KIF6: variants seen among roughly 807,000 people sequenced by gnomAD.
KIF6 encodes kinesin family member 6.
Under a neutral mutation model 112.7 loss-of-function variants are expected in KIF6, and 106 were observed. The observed-to-expected ratio is 0.94, with a 90% confidence interval of 0.80 to 1.11. KIF6 has a LOEUF of 1.11. KIF6 is among the 50% of genes least tolerant of loss of function. The pLI is 0.00. For missense variants in KIF6, 929 were observed against 964.0 expected, an observed-to-expected ratio of 0.96 and a Z score of 0.48; for synonymous variants, 339 against 339.9, an observed-to-expected ratio of 1.00 and a Z score of 0.03.
intron 13 of KIF6, among the ~76,000 whole-genome samples, chr6:39,480,518 T>A (rs1734003565): frequency 6.6e-6 from 1 of 152,162 alleles, no homozygotes; most frequent in South Asian, 2.1e-4. Flanking sequence ...AGTTTTCTTT[T>A]TTTTTTGCTA....
chr6:39,440,940 C>T (rs554684477), intron 13 of KIF6, among the ~76,000 whole-genome samples: 3 of 152,242 alleles, frequency 2.0e-5, no homozygotes, highest in Admixed American at 2.0e-4. Flanking sequence ...GATGCACTGA[C>T]ACTGGACTGA....
chr6:39,609,990 G>C (rs907946963), intron 6 of KIF6, among the ~76,000 whole-genome samples: 1 of 152,198 alleles, frequency 6.6e-6, no homozygotes, highest in Non-Finnish European at 1.5e-5. Flanking sequence ...GAGTGCCCTA[G>C]ACCATGGGTA....
intron 15 of KIF6, among the ~76,000 whole-genome samples, chr6:39,400,768 T>G (rs1768642247): frequency 1.3e-5 from 2 of 152,230 alleles, no homozygotes; most frequent in Non-Finnish European, 2.9e-5. Flanking sequence ...ATTTGTAATC[T>G]TTTCTCTTTG....
intron 13 of KIF6, among the ~76,000 whole-genome samples, chr6:39,489,237 T>C (rs556096397): frequency 6.6e-6 from 1 of 152,312 alleles, no homozygotes; most frequent in East Asian, 1.9e-4. Flanking sequence ...TATCTTTTCC[T>C]TTTTGAAGCT....
chr6:39,339,761 C>G (rs932143356), intron 22 of KIF6, among the ~76,000 whole-genome samples: 2 of 152,220 alleles, frequency 1.3e-5, no homozygotes, highest in African/African-American at 4.8e-5. Flanking sequence ...TCCACGCCTG[C>G]CCCTGGCAGG....
At chr6:39,374,550 A>T (rs1766277128) in intron 16 of KIF6, among the ~76,000 whole-genome samples, 4 of 152,140 alleles carry the variant, frequency 2.6e-5, no homozygotes, top group Admixed American at 2.0e-4. Flanking sequence ...TAACCCTATT[A>T]AAAAAATGGG....
intron 16 of KIF6, among the ~76,000 whole-genome samples, chr6:39,377,436 C>T (rs1324954266): frequency 6.6e-6 from 1 of 150,612 alleles, no homozygotes. Flanking sequence ...CAGTTTCACA[C>T]ACTGGATCAT....
chr6:39,647,384 A>T (rs1785222286), intron 3 of KIF6, among the ~76,000 whole-genome samples: 2 of 152,146 alleles, frequency 1.3e-5, no homozygotes, highest in Admixed American at 1.3e-4. Context: ...CAAGAGGGGC[A>T]GGCAGGTGTA....
At chr6:39,620,679 A>G (rs895583001) in intron 5 of KIF6, among the ~76,000 whole-genome samples, 1 of 152,152 alleles carries the variant, frequency 6.6e-6, no homozygotes, top group Non-Finnish European at 1.5e-5. Flanking sequence ...TTTCTTACAC[A>G]CACTTTGCAG....
chr6:39,672,619 G>T (rs962952429), intron 3 of KIF6, among the ~76,000 whole-genome samples: 8 of 152,136 alleles, frequency 5.3e-5, no homozygotes, highest in Admixed American at 3.9e-4. Flanking sequence ...TTCACATTCT[G>T]AAGGCTGGAA....
At chr6:39,722,671 A>T (rs894563865) in intron 1 of KIF6, among the ~76,000 whole-genome samples, 1 of 152,248 alleles carries the variant, frequency 6.6e-6, no homozygotes, top group Non-Finnish European at 1.5e-5. Flanking sequence ...ATTTAATACT[A>T]CAAAAAGCAT....
chr6:39,604,011 A>T (rs565057169), intron 6 of KIF6, among the ~76,000 whole-genome samples: 1 of 151,888 alleles, frequency 6.6e-6, no homozygotes, highest in South Asian at 2.1e-4. Flanking sequence ...CATATGCCTG[A>T]GACTCCTTAA....
At chr6:39,662,152 A>G (rs1040669306) in intron 3 of KIF6, among the ~76,000 whole-genome samples, 13 of 152,236 alleles carry the variant, frequency 8.5e-5, no homozygotes, top group African/African-American at 3.1e-4. Context: ...AATTTAAAAC[A>G]TATAATCAAT....
intron 13 of KIF6, among the ~76,000 whole-genome samples, chr6:39,462,105 G>T (rs1465570026): frequency 1.3e-5 from 2 of 152,180 alleles, no homozygotes; most frequent in African/African-American, 2.4e-5. Flanking sequence ...GGCTGGAAAA[G>T]CCATATACCT....
At position 39,540,158 on chromosome 6, in the gene KIF6, C is replaced by T. The variant is rs765089235; in HGVS notation, c.1490G>A (p.Gly497Asp). Reference protein sequence around the residue: ...KKAQEALHLAGMDRREFRQSQ... With the variant: ...KKAQEALHLADMDRREFRQSQ... The stretch of plus-strand genomic sequence containing the variant: ...CTGTCTGAATTCACGTCTATCCATG[C>T]CAGCCAAGTGGAGAGCCTCCTGAGC... The change falls in exon 13 of 23, where the codon GGC (glycine) becomes GAC (aspartate). Residue 497 changes from glycine to aspartate, a missense_variant. This residue lies in a region of KIF6 where 688 missense variants were observed against 662.7 expected (regional missense o/e 1.04). Coordinates refer to ENST00000287152, the MANE Select transcript of KIF6 (RefSeq NM_145027.6). 4.3e-6 allele frequency: 7 copies of T among 1,614,000 alleles called. No individual in the cohort carries two copies. The East Asian group carries it at 1.1e-4, about 26-fold the overall frequency.
intron 13 of KIF6, among the ~76,000 whole-genome samples, chr6:39,443,946 T>TCAGA (rs1772139074): frequency 6.6e-6 from 1 of 152,232 alleles, no homozygotes. Context: ...TTTTTGTGTG[T>TCAGA]CTTCCATGTG....
chr6:39,593,956 A>C (rs1782094024), intron 7 of KIF6, among the ~76,000 whole-genome samples: 1 of 152,178 alleles, frequency 6.6e-6, no homozygotes, highest in South Asian at 2.1e-4. Context: ...CCTGCACTAG[A>C]CCATGAGGTT....
At chr6:39,549,493 G>A (rs563917830) in intron 10 of KIF6, among the ~76,000 whole-genome samples, 1 of 152,282 alleles carries the variant, frequency 6.6e-6, no homozygotes, top group South Asian at 2.1e-4. Context: ...AGCTCACACA[G>A]CAAGCACACA....
chr6:39,716,993 T>A (rs1307321616), intron 2 of KIF6, among the ~76,000 whole-genome samples: 1 of 152,184 alleles, frequency 6.6e-6, no homozygotes, highest in East Asian at 1.9e-4. Context: ...CAATTATTTC[T>A]CAACATTTCC....
Sources: gnomAD v4.1 joint callset for allele counts (sites outside exome capture counted in the v4.1 genomes callset) on GRCh38, gnomAD v4.1.1 for gene constraint, gnomAD v4.1.1 regional missense constraint, MANE v1.5 for transcripts, NCBI Gene and HGNC (gene_info 2026-07-23, HGNC 2026-07-21) for gene names.